Variants in SNCAIP observed in about 807,000 individuals in gnomAD.
The protein encoded by SNCAIP is synphilin-1.
In SNCAIP, 43 loss-of-function variants were observed where a neutral mutation model predicts 86.7. That is an observed-to-expected ratio of 0.50 (90% confidence interval 0.39 to 0.64). The LOEUF is 0.64. Among genes scored for constraint, SNCAIP ranks in the 30% least tolerant of loss-of-function variants. The pLI is 0.00. For missense variants in SNCAIP, 981 were observed against 1,103.1 expected, an observed-to-expected ratio of 0.89 and a Z score of 1.57; for synonymous variants, 417 against 427.2, an observed-to-expected ratio of 0.98 and a Z score of 0.29.
At chr5:122,393,748 T>G (rs1448759079) in intron 2 of SNCAIP, among the ~76,000 whole-genome samples, 1 of 152,202 alleles carries the variant, frequency 6.6e-6, no homozygotes, top group African/African-American at 2.4e-5. Flanking sequence ...CTAGTCTATT[T>G]AAATCCACTT....
At chr5:122,360,977 A>G (rs1430200587) in intron 1 of SNCAIP, among the ~76,000 whole-genome samples, 3 of 152,128 alleles carry the variant, frequency 2.0e-5, no homozygotes, top group Non-Finnish European at 2.9e-5. Flanking sequence ...TGAAAAAAAA[A>G]TCACCTAATT....
chr5:122,408,436 A>G (rs1435575090), intron 3 of SNCAIP, among the ~76,000 whole-genome samples: 1 of 152,102 alleles, frequency 6.6e-6, no homozygotes, highest in Non-Finnish European at 1.5e-5. Flanking sequence ...AAGAATGGAA[A>G]ATGGCAATGT....
At chr5:122,457,941 C>T (rs1347088943) in intron 10 of SNCAIP, among the ~76,000 whole-genome samples, 2 of 152,162 alleles carry the variant, frequency 1.3e-5, no homozygotes, top group Non-Finnish European at 2.9e-5. Context: ...CCAGAATGAT[C>T]ACATCTTCCC....
At chr5:122,362,610 G>C (rs1049427449) in intron 1 of SNCAIP, among the ~76,000 whole-genome samples, 11 of 152,200 alleles carry the variant, frequency 7.2e-5, no homozygotes, top group African/African-American at 2.7e-4. Flanking sequence ...TCATAGGAAT[G>C]CTAGTACCAA....
At chr5:122,442,306 A>G (rs1259760253) in intron 7 of SNCAIP, among the ~76,000 whole-genome samples, 5 of 152,052 alleles carry the variant, frequency 3.3e-5, no homozygotes, top group African/African-American at 7.2e-5. Flanking sequence ...TGACAGGAGA[A>G]TATATGGGGA....
chr5:122,423,774 G>T lies in SNCAIP; in HGVS notation c.1002+35G>T, dbSNP rs374373205. 1.4e-4 allele frequency: 213 copies of T among 1,553,112 alleles called. 1 individual carries two copies. Among genetic ancestry groups the T allele is most frequent in the South Asian group, 1.0e-3 (91 of 87,986 alleles). On this transcript the variant is annotated intron_variant, in intron 4 of 10. Coordinates refer to ENST00000261368, the MANE Select transcript of SNCAIP (RefSeq NM_005460.4). The stretch of plus-strand genomic sequence containing the variant: ...ATCTAGTTCAGTATACATGTCAATA[G>T]ACTGGAGACTCCTTTTTAATAAACT...
chr5:122,439,130 C>T (rs185223997), intron 6 of SNCAIP, among the ~76,000 whole-genome samples: 44 of 152,328 alleles, frequency 2.9e-4, no homozygotes, highest in African/African-American at 1.0e-3. Flanking sequence ...ACTGCTTTTA[C>T]GTTATGCAAA....
chr5:122,393,407 T>G (rs556924306), intron 2 of SNCAIP, among the ~76,000 whole-genome samples: 1 of 152,268 alleles, frequency 6.6e-6, no homozygotes, highest in East Asian at 1.9e-4. Context: ...GCATGAAGAT[T>G]TTATGTAATT....
At chr5:122,323,549 C>G (rs1025201326) in intron 1 of SNCAIP, among the ~76,000 whole-genome samples, 2 of 152,170 alleles carry the variant, frequency 1.3e-5, no homozygotes, top group Non-Finnish European at 2.9e-5. Flanking sequence ...AATGGAAGCA[C>G]AGGTGTGTGC....
Position 122,418,771 on chromosome 5 carries a change from AG to A in SNCAIP, c.131-4094del, listed in dbSNP as rs1775806649. ...TTCCTGTGTGCCTCTTAGATATTGCAGGGATATGCACCCACATATGGGGAAA... is the reference window on the plus strand; with the variant it reads ...TTCCTGTGTGCCTCTTAGATATTGCAGGATATGCACCCACATATGGGGAAA... On this transcript the variant is annotated intron_variant, in intron 3 of 10. Coordinates refer to ENST00000261368, the MANE Select transcript of SNCAIP (RefSeq NM_005460.4). 2.6e-5 allele frequency among the ~76,000 whole-genome samples: 4 copies of A among 152,218 alleles called. No homozygotes were observed. In the South Asian group the frequency reaches 8.3e-4, roughly 32 times the overall value.
At chr5:122,325,453 C>T (rs757941056) in intron 1 of SNCAIP, among the ~76,000 whole-genome samples, 1 of 152,188 alleles carries the variant, frequency 6.6e-6, no homozygotes, top group Non-Finnish European at 1.5e-5. Context: ...CTGTGCCCTC[C>T]CCAAGCAACT....
At chr5:122,413,559 C>G (rs1774598300) in intron 3 of SNCAIP, among the ~76,000 whole-genome samples, 1 of 152,020 alleles carries the variant, frequency 6.6e-6, no homozygotes, top group South Asian at 2.1e-4. Context: ...GCATCATTGT[C>G]TGAGCAGGAT....
At chr5:122,356,320 A>G (rs537654137) in intron 1 of SNCAIP, among the ~76,000 whole-genome samples, 1 of 151,980 alleles carries the variant, frequency 6.6e-6, no homozygotes, top group South Asian at 2.1e-4. Flanking sequence ...GCCTCCCTAC[A>G]TTGCTCAGGC....
At chr5:122,349,345 G>A (rs1042359402) in intron 1 of SNCAIP, among the ~76,000 whole-genome samples, 7 of 152,218 alleles carry the variant, frequency 4.6e-5, no homozygotes, top group African/African-American at 1.7e-4. Flanking sequence ...AGCTTGATAT[G>A]AACTGTTGTT....
intron 1 of SNCAIP, among the ~76,000 whole-genome samples, chr5:122,383,126 G>A (rs1435611662): frequency 2.0e-5 from 3 of 152,186 alleles, no homozygotes; most frequent in East Asian, 1.9e-4. Flanking sequence ...AATGGCAGGC[G>A]CCCCTCCCCC....
At chr5:122,342,690 C>T (rs551414767) in intron 1 of SNCAIP, among the ~76,000 whole-genome samples, 18 of 152,122 alleles carry the variant, frequency 1.2e-4, no homozygotes, top group African/African-American at 2.9e-4. Flanking sequence ...GTTAAAGGCC[C>T]GAGTCTGGCT....
intron 1 of SNCAIP, among the ~76,000 whole-genome samples, chr5:122,338,392 T>G (rs1254394789): frequency 6.6e-6 from 1 of 152,186 alleles, no homozygotes; most frequent in Admixed American, 6.6e-5. Context: ...TCAGTCAGCT[T>G]AAAAATTCAT....
At chr5:122,452,835 ATCTT>A (rs1032678450) in intron 10 of SNCAIP, 2 of 804,960 alleles carry the variant, frequency 2.5e-6, no homozygotes, top group Non-Finnish European at 4.2e-6. Flanking sequence ...TAATCTATCT[ATCTT>A]CCTGCATGCT....
At chr5:122,317,931 G>A (rs1752115748) in intron 1 of SNCAIP, among the ~76,000 whole-genome samples, 1 of 151,826 alleles carries the variant, frequency 6.6e-6, no homozygotes, top group Non-Finnish European at 1.5e-5. Flanking sequence ...TACAAATGCT[G>A]CCTTCAGTCT....
Sources: allele counts gnomAD v4.1 joint callset (sites outside exome capture counted in the v4.1 genomes callset), GRCh38; gene constraint gnomAD v4.1.1; transcripts MANE v1.5; gene names NCBI Gene and HGNC (gene_info 2026-07-23, HGNC 2026-07-21).